Variants in SZRD1 observed in about 807,000 individuals in gnomAD.
SZRD1 encodes SUZ RNA-binding domain-containing.
Under a neutral mutation model 17.6 loss-of-function variants are expected in SZRD1, and 7 were observed. That is an observed-to-expected ratio of 0.40 (90% confidence interval 0.23 to 0.75). The LOEUF (loss-of-function observed/expected upper bound fraction) is 0.75, where lower values mean the gene tolerates loss of function less well. Among genes scored for constraint, SZRD1 ranks in the 30% least tolerant of loss-of-function variants. The probability of loss-of-function intolerance (pLI) is 0.38; values close to 1 mark genes in which losing one functional copy is unlikely to be tolerated. For missense variants in SZRD1, 178 were observed against 201.8 expected (o/e 0.88, Z 0.71); for synonymous variants, 77 against 77.9 (o/e 0.99, Z 0.06).
At chr1:16,394,569 A>G (rs965979795) in intron 3 of SZRD1, among the ~76,000 whole-genome samples, 1 of 152,208 alleles carries the variant, frequency 6.6e-6, no homozygotes, top group African/African-American at 2.4e-5. Flanking sequence ...GCCTGCTCAC[A>G]GGGGCCTCTC....
intron 1 of SZRD1, among the ~76,000 whole-genome samples, chr1:16,374,083 A>G (rs2082957296): frequency 6.6e-6 from 1 of 152,208 alleles, no homozygotes; most frequent in Non-Finnish European, 1.5e-5. Context: ...GGTAGTGGGA[A>G]AAAAGAGATC....
Position 16,393,505 on chromosome 1 carries a change from GC to G in SZRD1, c.356+25del. On this transcript the variant is annotated intron_variant, in intron 3 of 3. Coordinates refer to ENST00000401088, the MANE Select transcript of SZRD1 (RefSeq NM_001114600.3). The surrounding 1 kb of genome is among the most constrained non-coding windows in gnomAD (Gnocchi z 5.6). ...CAGGTGAGTGTGGCTGGCAGGGCCG[GC>G]CAGTGATGGCTGTCCCAGTCCACCC... The G allele has an allele frequency of 6.3e-7, 1 of 1,585,924 alleles. No individual in the cohort carries two copies. Among genetic ancestry groups the G allele is most frequent in the Admixed American group, 1.8e-5 (1 of 55,708 alleles).
chr1:16,369,646 T>C (rs1297972918), intron 1 of SZRD1: 2 of 545,586 alleles, frequency 3.7e-6, no homozygotes, highest in Non-Finnish European at 6.5e-6. Context: ...CCCAGCACTG[T>C]GGGAGGCTGA....
rs1333683555 is a variant in SZRD1 at position 16,391,439 on chromosome 1, T to A, written c.101+15T>A. On this transcript the variant is annotated intron_variant, in intron 2 of 3. Coordinates refer to ENST00000401088, the MANE Select transcript of SZRD1 (RefSeq NM_001114600.3). This position sits in a 1 kb window ranked among gnomAD's most constrained non-coding sequence, Gnocchi z 4.3. ...CAAAAAGAGAGGTAAGGCTGCTGTCTGGTCTGAGGGCTCATGCTCTCTGTG... is the reference window on the plus strand; with the variant it reads ...CAAAAAGAGAGGTAAGGCTGCTGTCAGGTCTGAGGGCTCATGCTCTCTGTG... 1 of 1,547,230 alleles carries A rather than the reference T, an allele frequency of 6.5e-7. No homozygotes were observed. Among genetic ancestry groups the A allele is most frequent in the Non-Finnish European group, 8.7e-7 (1 of 1,144,686 alleles).
At chr1:16,370,236 T>G (rs1030835375) in intron 1 of SZRD1, among the ~76,000 whole-genome samples, 2 of 151,794 alleles carry the variant, frequency 1.3e-5, no homozygotes, top group African/African-American at 4.8e-5. Context: ...TTTTTTTTTT[T>G]TTTGTTTGAG....
At chr1:16,386,952 C>G (rs1421906355) in intron 1 of SZRD1, 2 of 196,734 alleles carry the variant, frequency 1.0e-5, no homozygotes, top group Non-Finnish European at 2.1e-5. Context: ...CCTCAAAAGG[C>G]GAATTCTAGG....
Position 16,372,500 on chromosome 1 carries a change from A to G in SZRD1, c.51+5192A>G, listed in dbSNP as rs186257576. Among the ~76,000 whole-genome samples, 133 of 152,292 alleles carry G rather than the reference A, an allele frequency of 8.7e-4. 2 individuals carry two copies. In the South Asian group the frequency reaches 0.013, roughly 15 times the overall value. ...AAAAAAAGAGTTCATAGTGTTGGTA[A>G]TGAGCTAACCCAGCTAGGGGAAGGC... On this transcript the variant is annotated intron_variant, in intron 1 of 3. Transcript: ENST00000401088.
rs1325067267 is a variant in SZRD1, at chr1:16,395,990, A to C, written c.*850A>C. 1 of 152,614 alleles carries C rather than the reference A, an allele frequency of 6.6e-6. No homozygotes were observed. The highest frequency in any genetic ancestry group is 1.5e-5 in the Non-Finnish European group (1 of 68,062). 9.5% of individuals were successfully genotyped at this position (152,614 alleles called of 1,614,324 possible). A position where few individuals can be genotyped will look rare whatever the true frequency, so the allele number is the denominator to read the frequency against. On this transcript the variant is annotated 3_prime_UTR_variant, in exon 4 of 4. Coordinates refer to ENST00000401088, the MANE Select transcript of SZRD1 (RefSeq NM_001114600.3). Reference sequence around the variant, plus strand: ...CCTCTAGTATTTTGGGAGATAGGGAAAGTGAACCGACTTCCCCTTCCCATA... The same window carrying C: ...CCTCTAGTATTTTGGGAGATAGGGACAGTGAACCGACTTCCCCTTCCCATA...
chr1:16,368,955 T>C (rs1377519728), intron 1 of SZRD1, among the ~76,000 whole-genome samples: 1 of 152,180 alleles, frequency 6.6e-6, no homozygotes, highest in Non-Finnish European at 1.5e-5. Context: ...AATTGGGGCT[T>C]ACTTTAGTTT....
rs1159848402 is a variant in SZRD1 at position 16,393,063 on chromosome 1, C to G, written c.102-165C>G. On this transcript the variant is annotated intron_variant, in intron 2 of 3. Coordinates refer to ENST00000401088, the MANE Select transcript of SZRD1 (RefSeq NM_001114600.3). The surrounding 1 kb of genome is among the most constrained non-coding windows in gnomAD (Gnocchi z 5.6). The stretch of plus-strand genomic sequence containing the variant: ...GTCGCAAGCTTACTTTTTTGGGACA[C>G]CCTTCTTGAGGAGTGGAAATTTTGC... Among the ~76,000 whole-genome samples, 1 of 152,034 alleles carries G rather than the reference C, an allele frequency of 6.6e-6. No homozygotes were observed. The highest frequency in any genetic ancestry group is 1.5e-5 in the Non-Finnish European group (1 of 68,016).
At chr1:16,386,320 C>A (rs1439510967) in intron 1 of SZRD1, among the ~76,000 whole-genome samples, 1 of 152,252 alleles carries the variant, frequency 6.6e-6, no homozygotes, top group Non-Finnish European at 1.5e-5. Context: ...TTGGGCAGGA[C>A]TCTGCATCCT....
chr1:16,395,050 C>A lies in SZRD1; in HGVS notation c.369C>A (p.Ile123=). ...TTCTTCCTTTCAGGCCAACCAGGATCTCCCAACCCGAAGACAGCAGGCAGC... is the reference window on the plus strand; with the variant it reads ...TTCTTCCTTTCAGGCCAACCAGGATATCCCAACCCGAAGACAGCAGGCAGC... ...EKPILDRPTR[I]SQPEDSRQPN... is the part of the protein sequence containing the mutation. Residue 123 remains isoleucine (I), a synonymous_variant, in exon 4 of 4, where the codon ATC becomes ATA. Coordinates refer to ENST00000401088, the MANE Select transcript of SZRD1 (RefSeq NM_001114600.3). 2 of 1,611,482 alleles carry A rather than the reference C, an allele frequency of 1.2e-6. No homozygotes were observed. The highest frequency in any genetic ancestry group is 1.7e-6 in the Non-Finnish European group (2 of 1,177,684).
At chr1:16,374,093 CAATT>C (rs1302810998) in intron 1 of SZRD1, among the ~76,000 whole-genome samples, 1 of 152,128 alleles carries the variant, frequency 6.6e-6, no homozygotes, top group African/African-American at 2.4e-5. Context: ...AAAAAGAGAT[CAATT>C]AGTTTGGGGC....
At chr1:16,383,154 T>C (rs2083134319) in intron 1 of SZRD1, among the ~76,000 whole-genome samples, 1 of 152,030 alleles carries the variant, frequency 6.6e-6, no homozygotes, top group African/African-American at 2.4e-5. Context: ...TTATATTTTC[T>C]TTTTCTTTTC....
rs1334750650 is a variant in SZRD1, at chr1:16,395,785, C to T, written c.*645C>T. On this transcript the variant is annotated 3_prime_UTR_variant, in exon 4 of 4. Coordinates refer to ENST00000401088, the MANE Select transcript of SZRD1 (RefSeq NM_001114600.3). ...CATTAACCAATAGGATTTTGGTGAG[C>T]TTAGCTTCTGTATTCCTACTGCCGC... 1.3e-5 allele frequency: 2 copies of T among 155,408 alleles called. No homozygotes were observed. Among genetic ancestry groups the T allele is most frequent in the African/African-American group, 4.8e-5 (2 of 41,448 alleles). 9.6% of individuals were successfully genotyped at this position (155,408 alleles called of 1,614,324 possible).
chr1:16,367,815 A>G (rs35064722), intron 1 of SZRD1: 2,111 of 154,390 alleles, frequency 0.014, 24 homozygotes, highest in Non-Finnish European at 0.023. Flanking sequence ...CAACTCTGCT[A>G]AAATCCCCCA....
At chr1:16,389,657 G>T (rs2085192364) in intron 1 of SZRD1, among the ~76,000 whole-genome samples, 1 of 151,976 alleles carries the variant, frequency 6.6e-6, no homozygotes, top group African/African-American at 2.4e-5. Flanking sequence ...GCGTTAGCCA[G>T]GATGGTCTCA....
chr1:16,381,737 G>C (rs1440328454), intron 1 of SZRD1, among the ~76,000 whole-genome samples: 1 of 151,830 alleles, frequency 6.6e-6, no homozygotes, highest in Non-Finnish European at 1.5e-5. Context: ...TTCAAGACCA[G>C]CCTGGGCAAC....
At chr1:16,371,536 A>C in intron 1 of SZRD1, among the ~76,000 whole-genome samples, 1 of 139,284 alleles carries the variant, frequency 7.2e-6, no homozygotes. Context: ...ATCTCGGCTC[A>C]TTGCAAGCTC....
Sources: allele counts gnomAD v4.1 joint callset (sites outside exome capture counted in the v4.1 genomes callset), GRCh38; gene constraint gnomAD v4.1.1; non-coding constraint Gnocchi (gnomAD v3.1); transcripts MANE v1.5; gene names NCBI Gene and HGNC (gene_info 2026-07-23, HGNC 2026-07-21).